The following TGM2 variants were observed in gnomAD, a reference collection of about 807,000 sequenced individuals.
TGM2 encodes the protein transglutaminase 2.
A neutral mutation model predicts 75.6 loss-of-function variants in TGM2; 53 were observed. That is an observed-to-expected ratio of 0.70 (90% confidence interval 0.56 to 0.88). The LOEUF (loss-of-function observed/expected upper bound fraction) is 0.88, where lower values mean the gene tolerates loss of function less well. Among genes scored for constraint, TGM2 ranks in the 40% least tolerant of loss-of-function variants. The pLI is 0.00. For missense variants in TGM2, 842 were observed against 928.5 expected (o/e 0.91, Z 1.21); for synonymous variants, 374 against 381.1 (o/e 0.98, Z 0.22).
chr20:38,148,200 C>A (rs917151174), intron 4 of TGM2, 111 bp from the exon 5 acceptor site: 3 of 1,421,996 alleles, frequency 2.1e-6, no homozygotes, highest in Non-Finnish European at 3.0e-6. Context: ...ACACAGCAGA[C>A]TGGGACACTC....
intron 3 of TGM2, among the ~76,000 whole-genome samples, chr20:38,153,367 A>G (rs2075138117): frequency 6.6e-6 from 1 of 151,886 alleles, no homozygotes; most frequent in African/African-American, 2.4e-5. Flanking sequence ...TCTACTAAAA[A>G]TACAAAAATT....
chr20:38,141,472 C>T (rs1271441374), intron 7 of TGM2, 87 bp from the exon 8 acceptor site: 1 of 1,029,782 alleles, frequency 9.7e-7, no homozygotes, highest in African/African-American at 1.6e-5. Context: ...ATTCATGTCC[C>T]CAGATGCAAG....
intron 6 of TGM2, among the ~76,000 whole-genome samples, chr20:38,144,006 C>T (rs1277554677): frequency 6.6e-6 from 1 of 152,198 alleles, no homozygotes; most frequent in African/African-American, 2.4e-5. Flanking sequence ...AGGGCTCAGC[C>T]CTAAGGCTGC....
chr20:38,165,494 C>CAG, upstream of TGM2: 1 of 530,068 alleles, frequency 1.9e-6, no homozygotes, highest in Non-Finnish European at 3.3e-6. Context: ...GCCCAGGATA[C>CAG]AGACACACCT....
chr20:38,134,925 T>C (rs1201290646), intron 10 of TGM2, among the ~76,000 whole-genome samples: 1 of 151,994 alleles, frequency 6.6e-6, no homozygotes, highest in Non-Finnish European at 1.5e-5. Context: ...GCATTGGAGG[T>C]TCCAACAGGG....
At chr20:38,166,113 T>C (rs2075307813), upstream of TGM2, among the ~76,000 whole-genome samples, 1 of 68,154 alleles carries the variant, frequency 1.5e-5, no homozygotes, top group Non-Finnish European at 5.0e-5. Context: ...GGTACAGACA[T>C]GCAGACACAC....
intron 6 of TGM2, among the ~76,000 whole-genome samples, chr20:38,142,486 G>A (rs1192186979): frequency 1.3e-5 from 2 of 152,086 alleles, no homozygotes; most frequent in South Asian, 2.1e-4. Context: ...GCCGAGGGGG[G>A]CCTGAGGTCA....
At chr20:38,142,270 C>T in intron 6 of TGM2, 71 bp from the exon 7 acceptor site, 2 of 1,602,918 alleles carry the variant, frequency 1.2e-6, no homozygotes, top group Middle Eastern at 1.7e-4. Context: ...TCCACCTGCC[C>T]ATCTGCATTC....
rs1252890115 is a variant in TGM2, at chr20:38,165,208, G to T, written c.-10C>A. 3 of 1,613,236 alleles carry T rather than the reference G, an allele frequency of 1.9e-6. No homozygotes were observed. Among genetic ancestry groups the T allele is most frequent in the African/African-American group, 2.7e-5 (2 of 74,934 alleles). On this transcript the variant is annotated 5_prime_UTR_variant, in exon 1 of 13. Coordinates refer to ENST00000361475, the MANE Select transcript of TGM2 (RefSeq NM_004613.4). ...ACTCACCCTCGGCCATGGTCGGGCG[G>T]GGGCGGTGGCTCCTTCCACTGGCGG...
chr20:38,142,016 T>C, intron 7 of TGM2, 48 bp downstream of exon 7: 8 of 1,612,242 alleles, frequency 5.0e-6, no homozygotes, highest in Non-Finnish European at 6.8e-6. Context: ...TTCCTCTCCA[T>C]GGGGCCCTCC....
chr20:38,153,085 C>T (rs2075133792), intron 3 of TGM2, among the ~76,000 whole-genome samples: 1 of 152,106 alleles, frequency 6.6e-6, no homozygotes, highest in Non-Finnish European at 1.5e-5. Context: ...GAAATCATTC[C>T]ATTGGCCACA....
At chr20:38,133,377 A>T (rs1184032057) in intron 10 of TGM2, 2 of 161,728 alleles carry the variant, frequency 1.2e-5, no homozygotes, top group African/African-American at 4.8e-5. Flanking sequence ...CTGTTCCCAG[A>T]TCTTATCACC....
Position 38,141,294 on chromosome 20 carries a change from C to T in TGM2, c.1087G>A (p.Glu363Lys). Residue 363 changes from glutamate (E) to lysine (K), a missense_variant, in exon 8 of 13, where the codon GAG (glutamate) becomes AAG (lysine). Physicochemically the swap from Glu to Lys is moderately conservative, Grantham distance 56. Transcript: ENST00000361475. Reference sequence around the variant, plus strand: ...CCCGCCCACGCACCTTCGCTCTTCTCCTGGGGCGTTGGGTCCAGGGCCTGC... The same window carrying T: ...CCCGCCCACGCACCTTCGCTCTTCTTCTGGGGCGTTGGGTCCAGGGCCTGC... Reference protein sequence around the residue: ...GWQALDPTPQEKSEGTYCCGP... With the variant: ...GWQALDPTPQKKSEGTYCCGP... 6.3e-7 allele frequency: 1 copy of T among 1,577,504 alleles called. No homozygotes were observed. Among genetic ancestry groups the T allele is most frequent in the South Asian group, 1.2e-5 (1 of 85,948 alleles).
chr20:38,137,208 G>T (rs1376177673), intron 10 of TGM2, among the ~76,000 whole-genome samples: 2 of 152,204 alleles, frequency 1.3e-5, no homozygotes, highest in Non-Finnish European at 2.9e-5. Flanking sequence ...GTTTTGGCCA[G>T]GTGCGGTGGC....
chr20:38,132,589 G>A (rs2074848320), intron 10 of TGM2, 89 bp from the exon 11 acceptor site: 1 of 1,547,932 alleles, frequency 6.5e-7, no homozygotes, highest in East Asian at 2.2e-5. Flanking sequence ...AGAGGGGAAG[G>A]AATGTGCTTG....
In TGM2 at chr20:38,129,901, C is replaced by A. The variant is rs2074804957; in HGVS notation, c.*318G>T. 2.5e-6 allele frequency: 1 copy of A among 406,590 alleles called. No individual in the cohort carries two copies. Among genetic ancestry groups the A allele is most frequent in the African/African-American group, 2.0e-5 (1 of 49,710 alleles). 25.2% of individuals were successfully genotyped at this position (406,590 alleles called of 1,614,324 possible). A position where few individuals can be genotyped will look rare whatever the true frequency, so the allele number is the denominator to read the frequency against. On this transcript the variant is annotated 3_prime_UTR_variant, in exon 13 of 13. Transcript: ENST00000361475. The stretch of plus-strand genomic sequence containing the variant: ...TAGATCAAACAATATGGTGGGTGGT[C>A]AATGGCTTTCCAAAGGGCATCTGGG...
At chr20:38,158,310 A>C (rs1454582481) in intron 2 of TGM2, among the ~76,000 whole-genome samples, 4 of 152,040 alleles carry the variant, frequency 2.6e-5, no homozygotes, top group Non-Finnish European at 5.9e-5. Context: ...CCCACGGTCC[A>C]CCCGCTGCTC....
chr20:38,132,998 T>C, intron 10 of TGM2: 1 of 382,364 alleles, frequency 2.6e-6, no homozygotes. Flanking sequence ...TTCACCTACA[T>C]GACAACCCTA....
rs188603887 is a variant in TGM2, at chr20:38,130,384, G to A, written c.1914-15C>T. 2.5e-6 allele frequency: 4 copies of A among 1,575,596 alleles called. No individual in the cohort carries two copies. Among genetic ancestry groups the A allele is most frequent in the Non-Finnish European group, 3.4e-6 (4 of 1,160,456 alleles). On this transcript the variant is annotated splice_polypyrimidine_tract_variant and intron_variant, in intron 12 of 12. Transcript: ENST00000361475. ...CGGGGTCTGGGCTGCAGGGAGAGAG[G>A]GGGTGGTGAGGAAAGGGGCCCAAGG...
Sources: allele counts gnomAD v4.1 joint callset (sites outside exome capture counted in the v4.1 genomes callset), GRCh38; gene constraint gnomAD v4.1.1; transcripts MANE v1.5; gene names NCBI Gene and HGNC (gene_info 2026-07-23, HGNC 2026-07-21).